GSG1L: variants seen among roughly 807,000 people sequenced by gnomAD.
GSG1L encodes the protein GSG1 like.
A neutral mutation model predicts 42.1 loss-of-function variants in GSG1L; 24 were observed. That is an observed-to-expected ratio of 0.57 (90% CI 0.41 to 0.80). GSG1L has a LOEUF of 0.80. Ranked by LOEUF, GSG1L falls within the 30% of genes least tolerant of loss-of-function variation. The pLI is 0.00. For missense variants in GSG1L, 445 were observed against 472.2 expected (o/e 0.94, Z 0.53); for synonymous variants, 215 against 203.5 (o/e 1.06, Z -0.48).
At chr16:28,010,507 A>G (rs1267148851) in intron 1 of GSG1L, among the ~76,000 whole-genome samples, 10 of 152,202 alleles carry the variant, frequency 6.6e-5, no homozygotes, top group Admixed American at 6.5e-4. Flanking sequence ...AGCTATTTGC[A>G]GACCAAAAAA....
In GSG1L at chr16:27,994,653, T is replaced by G. The variant is rs572874915; in HGVS notation, c.350-31450A>C. On this transcript the variant is annotated intron_variant, in intron 1 of 6. Transcript: ENST00000447459. The stretch of plus-strand genomic sequence containing the variant: ...CAATTTTGATCTAAAGTTCCCCTTT[T>G]ACATTCATTTTTGTAAGAAGACTGT... Among the ~76,000 whole-genome samples, 60 of 152,340 alleles carry G rather than the reference T, an allele frequency of 3.9e-4. No individual in the cohort carries two copies. In the East Asian group the frequency reaches 0.01, roughly 26 times the overall value.
At chr16:27,978,550 G>T (rs1271656763) in intron 1 of GSG1L, among the ~76,000 whole-genome samples, 1 of 152,016 alleles carries the variant, frequency 6.6e-6, no homozygotes, top group East Asian at 1.9e-4. Context: ...AATTAGCCAG[G>T]CGTGGTGGCA....
At chr16:27,838,480 C>G (rs2083344227) in intron 4 of GSG1L, among the ~76,000 whole-genome samples, 3 of 152,148 alleles carry the variant, frequency 2.0e-5, no homozygotes. Context: ...GGCCTGGTTT[C>G]CGGAGCCAAG....
In GSG1L at chr16:27,996,178, T is replaced by C. The variant is rs2085512785; in HGVS notation, c.350-32975A>G. On this transcript the variant is annotated intron_variant, in intron 1 of 6. Transcript: ENST00000447459. ...GCCTCAGCCTCTCCTCTGGACTCCT[T>C]GCTTCCACACCATCAGCCACAGGAA... Among the ~76,000 whole-genome samples, 3 of 152,174 alleles carry C rather than the reference T, an allele frequency of 2.0e-5. No individual in the cohort carries two copies. The South Asian group carries it at 6.2e-4, about 32-fold the overall frequency.
intron 3 of GSG1L, among the ~76,000 whole-genome samples, chr16:27,869,683 CTCTG>C (rs1183571075): frequency 7.5e-6 from 1 of 133,176 alleles, no homozygotes; most frequent in Non-Finnish European, 1.6e-5. Flanking sequence ...CTCCTTCTCT[CTCTG>C]TCTCTGTCTC....
intron 2 of GSG1L, among the ~76,000 whole-genome samples, chr16:27,945,230 T>C (rs1337188712): frequency 1.3e-5 from 2 of 152,082 alleles, no homozygotes; most frequent in Non-Finnish European, 2.9e-5. Context: ...CTGAATACAC[T>C]AAAAACCACT....
At chr16:28,031,825 G>A (rs1178944462) in intron 1 of GSG1L, among the ~76,000 whole-genome samples, 1 of 152,228 alleles carries the variant, frequency 6.6e-6, no homozygotes, top group Non-Finnish European at 1.5e-5. Context: ...AATGTGCGTA[G>A]AGCTGTTTCT....
intron 5 of GSG1L, among the ~76,000 whole-genome samples, chr16:27,821,227 C>T (rs2083148006): frequency 6.6e-6 from 1 of 152,108 alleles, no homozygotes; most frequent in African/African-American, 2.4e-5. Context: ...GGAACATGGG[C>T]CCAGTGTGGC....
intron 2 of GSG1L, among the ~76,000 whole-genome samples, chr16:27,885,727 G>A (rs1219637234): frequency 6.6e-6 from 1 of 152,196 alleles, no homozygotes; most frequent in Non-Finnish European, 1.5e-5. Context: ...AAGTAGACCA[G>A]GAAAGAGCAG....
intron 2 of GSG1L, among the ~76,000 whole-genome samples, chr16:27,896,989 G>A (rs1488455739): frequency 8.6e-5 from 13 of 151,854 alleles, no homozygotes; most frequent in Admixed American, 7.2e-4. Flanking sequence ...TTAGCCTCCC[G>A]AGTAGCTGGG....
intron 1 of GSG1L, among the ~76,000 whole-genome samples, chr16:27,982,992 C>T (rs1194318729): frequency 1.3e-5 from 2 of 152,084 alleles, no homozygotes. Flanking sequence ...AGTAGAACTG[C>T]CATCCACCAG....
intron 2 of GSG1L, among the ~76,000 whole-genome samples, chr16:27,959,598 G>A (rs567807231): frequency 6.6e-6 from 1 of 151,848 alleles, no homozygotes; most frequent in Admixed American, 6.6e-5. Context: ...ACGGGAGAAA[G>A]GAAGAAAGAA....
intron 1 of GSG1L, among the ~76,000 whole-genome samples, chr16:28,028,423 C>A (rs1472325684): frequency 6.6e-6 from 1 of 152,000 alleles, no homozygotes; most frequent in African/African-American, 2.4e-5. Context: ...GGATTGGAAC[C>A]TAGGCCTACG....
chr16:27,973,311 G>A (rs536558229), intron 1 of GSG1L, among the ~76,000 whole-genome samples: 58 of 151,802 alleles, frequency 3.8e-4, no homozygotes, highest in Non-Finnish European at 6.6e-4. Context: ...TTACCCGGGC[G>A]TGGTTGTGCA....
At chr16:27,986,573 A>C (rs2085386591) in intron 1 of GSG1L, among the ~76,000 whole-genome samples, 2 of 151,982 alleles carry the variant, frequency 1.3e-5, no homozygotes, top group African/African-American at 2.4e-5. Context: ...CACTTGCGAC[A>C]AAGGGATAAG....
In GSG1L at chr16:27,790,296, T is replaced by C. The variant is rs2082737295; in HGVS notation, c.*1074A>G. On this transcript the variant is annotated 3_prime_UTR_variant, in exon 7 of 7. Transcript: ENST00000447459. ...AGGATGGAAGGATAAAGGAGAAGAA[T>C]ATATTCTACGTGGGGAAAAGCTCTA... 1 of 152,082 alleles carries C rather than the reference T, an allele frequency of 6.6e-6. No individual in the cohort carries two copies. The highest frequency in any genetic ancestry group is 2.1e-4 in the South Asian group (1 of 4,826). The allele number at this position is 152,082 out of a possible 1,614,324, so 9.4% of individuals were successfully genotyped here. A position where few individuals can be genotyped will look rare whatever the true frequency, so the allele number is the denominator to read the frequency against.
At chr16:27,931,783 G>A (rs2084660088) in intron 2 of GSG1L, among the ~76,000 whole-genome samples, 1 of 152,172 alleles carries the variant, frequency 6.6e-6, no homozygotes, top group Non-Finnish European at 1.5e-5. Context: ...CAAGGATTTG[G>A]AAACAAGCTC....
chr16:27,894,565 C>T (rs1010393803), intron 2 of GSG1L, among the ~76,000 whole-genome samples: 10 of 152,264 alleles, frequency 6.6e-5, no homozygotes, highest in East Asian at 1.9e-4. Context: ...CCCCTGATAC[C>T]GAGCATGTTG....
intron 2 of GSG1L, among the ~76,000 whole-genome samples, chr16:27,885,001 C>T (rs143327568): frequency 2.3e-4 from 35 of 152,256 alleles, no homozygotes; most frequent in African/African-American, 7.2e-4. Context: ...AGTGATGGAA[C>T]GATGGCCTCA....
Sources: allele counts gnomAD v4.1 joint callset (sites outside exome capture counted in the v4.1 genomes callset), GRCh38; gene constraint gnomAD v4.1.1; transcripts MANE v1.5; gene names NCBI Gene and HGNC (gene_info 2026-07-23, HGNC 2026-07-21).